RGS6: variants seen among roughly 807,000 people sequenced by gnomAD.
RGS6 encodes regulator of G-protein signaling 6.
A neutral mutation model predicts 78.5 loss-of-function variants in RGS6; 30 were observed. That is an observed-to-expected ratio of 0.38 (90% CI 0.29 to 0.52). RGS6 has a LOEUF of 0.52. RGS6 is among the 20% of genes least tolerant of loss of function. The pLI is 0.85. For missense variants in RGS6, 495 were observed against 609.7 expected (o/e 0.81, Z 1.98); for synonymous variants, 206 against 206.0 (o/e 1.00, Z 0.00).
chr14:72,099,476 C>A (rs1300621935), intron 2 of RGS6, among the ~76,000 whole-genome samples: 1 of 152,052 alleles, frequency 6.6e-6, no homozygotes, highest in Non-Finnish European at 1.5e-5. Flanking sequence ...AGCTTTAATA[C>A]CAGGTCACAC....
the RGS6 span, among the ~76,000 whole-genome samples, chr14:71,881,179 T>C: frequency 6.6e-6 from 1 of 152,250 alleles, no homozygotes; most frequent in Non-Finnish European, 1.5e-5. Flanking sequence ...CCAATGCCTG[T>C]ACCCCCCTTG....
At chr14:72,234,372 G>C (rs557046792) in intron 2 of RGS6, among the ~76,000 whole-genome samples, 5 of 151,826 alleles carry the variant, frequency 3.3e-5, no homozygotes, top group Admixed American at 6.6e-5. Context: ...ATAAGAGACT[G>C]ATGTATAAAA....
chr14:71,894,239 G>A, the RGS6 span, among the ~76,000 whole-genome samples: 2 of 152,098 alleles, frequency 1.3e-5, no homozygotes, highest in African/African-American at 2.4e-5. Context: ...CTCGCCTCTC[G>A]ATGTTTACGA....
intron 2 of RGS6, among the ~76,000 whole-genome samples, chr14:72,097,608 T>C (rs906689997): frequency 6.6e-6 from 1 of 152,204 alleles, no homozygotes; most frequent in African/African-American, 2.4e-5. Context: ...TCTTTGTTGC[T>C]GTAAACTACT....
At chr14:72,355,701 A>T (rs1198630881) in intron 3 of RGS6, among the ~76,000 whole-genome samples, 2 of 152,168 alleles carry the variant, frequency 1.3e-5, no homozygotes, top group Non-Finnish European at 2.9e-5. Flanking sequence ...AAATACACAA[A>T]AGGATGGGAA....
intron 4 of RGS6, among the ~76,000 whole-genome samples, 194 bp from the exon 5 acceptor site, chr14:72,458,077 C>T (rs1006166061): frequency 6.6e-6 from 1 of 152,136 alleles, no homozygotes; most frequent in Non-Finnish European, 1.5e-5. Flanking sequence ...GGGATTCAGA[C>T]AAGTCCCAGA....
At chr14:72,609,683 A>C in the RGS6 span, among the ~76,000 whole-genome samples, 33 of 152,230 alleles carry the variant, frequency 2.2e-4, no homozygotes, top group Non-Finnish European at 4.4e-4. Context: ...CCGCAACCAC[A>C]TCACAGTGAA....
chr14:72,208,352 C>A (rs1831295045), intron 2 of RGS6, among the ~76,000 whole-genome samples: 1 of 152,198 alleles, frequency 6.6e-6, no homozygotes, highest in African/African-American at 2.4e-5. Flanking sequence ...CTGGGATGAG[C>A]CTTTCATGAA....
intron 2 of RGS6, among the ~76,000 whole-genome samples, chr14:72,280,411 A>G (rs1056783129): frequency 6.6e-6 from 1 of 152,234 alleles, no homozygotes; most frequent in Non-Finnish European, 1.5e-5. Flanking sequence ...CCTCCAAGTC[A>G]TGGTACAGAA....
intron 2 of RGS6, among the ~76,000 whole-genome samples, chr14:72,263,532 CAT>C (rs2058537259): frequency 6.6e-6 from 1 of 151,828 alleles, no homozygotes; most frequent in African/African-American, 2.4e-5. Context: ...CCCCCAAATT[CAT>C]ATGTTAAAGT....
intron 2 of RGS6, among the ~76,000 whole-genome samples, chr14:72,325,205 A>AT (rs1311655714): frequency 2.6e-5 from 4 of 151,870 alleles, no homozygotes; most frequent in East Asian, 3.9e-4. Flanking sequence ...GGGTTGTTTG[A>AT]TTTTTTCTTG....
intron 2 of RGS6, among the ~76,000 whole-genome samples, chr14:72,256,886 A>G (rs536318611): frequency 1.2e-3 from 177 of 152,332 alleles, no homozygotes; most frequent in Middle Eastern, 3.4e-3. Context: ...AAATAACTAC[A>G]GACAGCTGTC....
chr14:71,979,529 G>A (rs2094336219), intron 2 of RGS6, among the ~76,000 whole-genome samples: 1 of 152,086 alleles, frequency 6.6e-6, no homozygotes, highest in Non-Finnish European at 1.5e-5. Context: ...GTACCCAGTA[G>A]TCATTCAGGA....
At chr14:72,045,687 T>C (rs1428407212) in intron 2 of RGS6, among the ~76,000 whole-genome samples, 1 of 151,964 alleles carries the variant, frequency 6.6e-6, no homozygotes, top group East Asian at 1.9e-4. Flanking sequence ...CAAGTGTTTC[T>C]TAGCTTTTAT....
At chr14:72,592,361 C>T in the RGS6 span, among the ~76,000 whole-genome samples, 1 of 152,234 alleles carries the variant, frequency 6.6e-6, no homozygotes, top group East Asian at 1.9e-4. Context: ...ATGCTATGGT[C>T]TGTATTTCAA....
intron 2 of RGS6, among the ~76,000 whole-genome samples, chr14:72,146,119 C>T (rs1040297690): frequency 1.3e-5 from 2 of 152,160 alleles, no homozygotes; most frequent in African/African-American, 4.8e-5. Context: ...CAAGAGAGCA[C>T]ACATGCCACA....
intron 3 of RGS6, among the ~76,000 whole-genome samples, chr14:72,442,780 C>A (rs889066383): frequency 6.6e-6 from 1 of 152,186 alleles, no homozygotes; most frequent in African/African-American, 2.4e-5. Flanking sequence ...GATTCATACC[C>A]AAGCCGTGTG....
intron 14 of RGS6, among the ~76,000 whole-genome samples, chr14:72,512,150 G>T (rs2096886165): frequency 6.6e-6 from 1 of 152,080 alleles, no homozygotes; most frequent in Non-Finnish European, 1.5e-5. Context: ...AGATGGAGCG[G>T]TATAGAGGCC....
At chr14:72,592,665 G>A in the RGS6 span, among the ~76,000 whole-genome samples, 5 of 152,202 alleles carry the variant, frequency 3.3e-5, no homozygotes, top group East Asian at 1.9e-4. Flanking sequence ...GATGTGCTGT[G>A]GGCCTCACCC....
Sources: gnomAD v4.1 joint callset for allele counts (sites outside exome capture counted in the v4.1 genomes callset) on GRCh38, gnomAD v4.1.1 for gene constraint, MANE v1.5 for transcripts, NCBI Gene and HGNC (gene_info 2026-07-23, HGNC 2026-07-21) for gene names.